The following ATP8A2 variants were observed in gnomAD, a reference collection of about 807,000 sequenced individuals.
The protein encoded by ATP8A2 is ATPase phospholipid transporting 8A2.
In ATP8A2, 100 loss-of-function variants were observed where a neutral mutation model predicts 165.6. That is an observed-to-expected ratio of 0.60 (90% confidence interval 0.51 to 0.71). The LOEUF is 0.71. Among genes scored for constraint, ATP8A2 ranks in the 30% least tolerant of loss-of-function variants. The probability of loss-of-function intolerance (pLI) is 0.00; values close to 1 mark genes in which losing one functional copy is unlikely to be tolerated. For missense variants in ATP8A2, 1,227 were observed against 1,479.5 expected (o/e 0.83, Z 2.80); for synonymous variants, 543 against 548.8 (o/e 0.99, Z 0.15).
At chr13:25,407,308 T>C (rs1650729799) in intron 1 of ATP8A2, among the ~76,000 whole-genome samples, 1 of 152,180 alleles carries the variant, frequency 6.6e-6, no homozygotes, top group Non-Finnish European at 1.5e-5. Context: ...ACCCAGAATC[T>C]TGAGGAAGAA....
chr13:25,383,434 G>A (rs948756424), intron 1 of ATP8A2, among the ~76,000 whole-genome samples: 6 of 152,130 alleles, frequency 3.9e-5, no homozygotes, highest in Admixed American at 1.3e-4. Flanking sequence ...CTAGTTTTGA[G>A]TTTGAAGAGT....
chr13:25,647,686 CT>C (rs200501725), intron 24 of ATP8A2, among the ~76,000 whole-genome samples: 6 of 147,114 alleles, frequency 4.1e-5, no homozygotes, highest in African/African-American at 5.0e-5. Flanking sequence ...TTCTTTTTTT[CT>C]TTTTTTTTTC....
chr13:25,722,173 A>G lies in ATP8A2; in HGVS notation c.2384+22828A>G, dbSNP rs549857190. On this transcript the variant is annotated intron_variant, in intron 25 of 36. Coordinates refer to ENST00000381655, the MANE Select transcript of ATP8A2 (RefSeq NM_016529.6). ...CTCGCTTATAGCCATCCTAGTGGGT[A>G]TGCAGTGGTATCTCAGTGTGGGAGC... 1.3e-4 allele frequency among the ~76,000 whole-genome samples: 20 copies of G among 152,328 alleles called. 1 individual carries two copies. The highest frequency in any genetic ancestry group is 1.9e-4 in the African/African-American group (8 of 41,578).
At chr13:25,553,183 GT>G (rs1238866138) in intron 11 of ATP8A2, among the ~76,000 whole-genome samples, 1 of 149,628 alleles carries the variant, frequency 6.7e-6, no homozygotes, top group African/African-American at 2.5e-5. Context: ...CCCAGACCTT[GT>G]CCCCCTCTCC....
At chr13:25,817,350 T>TGG (rs71741165) in intron 27 of ATP8A2, among the ~76,000 whole-genome samples, 64 of 105,614 alleles carry the variant, frequency 6.1e-4, no homozygotes, top group Admixed American at 8.2e-4. Flanking sequence ...TGGTCTTTTA[T>TGG]GGGGGGGGGG....
intron 24 of ATP8A2, among the ~76,000 whole-genome samples, chr13:25,647,376 T>G (rs908300983): frequency 2.0e-5 from 3 of 152,194 alleles, no homozygotes; most frequent in Non-Finnish European, 4.4e-5. Flanking sequence ...GTAAAATATT[T>G]TTGGTTGGCA....
intron 35 of ATP8A2, among the ~76,000 whole-genome samples, chr13:26,011,778 G>A (rs961683909): frequency 2.6e-5 from 4 of 152,172 alleles, no homozygotes; most frequent in Admixed American, 6.5e-5. Flanking sequence ...TGCAAAAAAT[G>A]TTTAAAATTA....
chr13:25,560,070 C>G (rs2039096495), intron 15 of ATP8A2, among the ~76,000 whole-genome samples: 1 of 152,104 alleles, frequency 6.6e-6, no homozygotes, highest in Non-Finnish European at 1.5e-5. Context: ...TCAAGCTATC[C>G]TCCCGCTGTG....
At chr13:25,984,428 AC>A (rs1289728221) in intron 35 of ATP8A2, among the ~76,000 whole-genome samples, 1 of 149,914 alleles carries the variant, frequency 6.7e-6, no homozygotes. Context: ...ACGTGGTGAA[AC>A]CCCACCTCTA....
intron 25 of ATP8A2, among the ~76,000 whole-genome samples, chr13:25,754,563 A>G (rs2044221013): frequency 1.3e-5 from 2 of 152,184 alleles, no homozygotes; most frequent in South Asian, 2.1e-4. Flanking sequence ...TTAGAAGTTT[A>G]TAGCACAAAT....
At chr13:25,862,852 T>C (rs2138768628) in intron 33 of ATP8A2, among the ~76,000 whole-genome samples, 1 of 152,342 alleles carries the variant, frequency 6.6e-6, no homozygotes, top group African/African-American at 2.4e-5. Context: ...AACAGCTCTA[T>C]GAACCAGATC....
chr13:25,902,286 A>G (rs1953777609), intron 33 of ATP8A2, among the ~76,000 whole-genome samples: 2 of 152,104 alleles, frequency 1.3e-5, no homozygotes, highest in Admixed American at 1.3e-4. Context: ...GTGTTTTTTA[A>G]CTCTTACAGT....
chr13:25,464,259 CT>C (rs1195925122), intron 1 of ATP8A2, among the ~76,000 whole-genome samples: 1 of 152,022 alleles, frequency 6.6e-6, no homozygotes, highest in Non-Finnish European at 1.5e-5. Flanking sequence ...ACCCTTTTTG[CT>C]TTTCCATCTT....
intron 2 of ATP8A2, among the ~76,000 whole-genome samples, chr13:25,523,272 CTT>C (rs71077476): frequency 2.8e-4 from 38 of 135,692 alleles, no homozygotes; most frequent in East Asian, 4.3e-4. Context: ...TTTAGGATAA[CTT>C]TTTTTTTTTT....
chr13:25,652,152 AG>A (rs1442700332), intron 24 of ATP8A2, among the ~76,000 whole-genome samples: 1 of 152,138 alleles, frequency 6.6e-6, no homozygotes, highest in Non-Finnish European at 1.5e-5. Flanking sequence ...CACTAAATGT[AG>A]GGGTGGGATG....
At chr13:25,690,405 A>G (rs969995777) in intron 24 of ATP8A2, among the ~76,000 whole-genome samples, 4 of 151,948 alleles carry the variant, frequency 2.6e-5, no homozygotes, top group Middle Eastern at 3.4e-3. Flanking sequence ...TTTTTTTGAA[A>G]GGAAGAAACT....
rs150559297 is a variant in ATP8A2 at position 25,507,393 on chromosome 13, G to C, written c.222-22606G>C. ...CAATTCTCCTGCTCCAGCCTCCTGG[G>C]TAGCTGGGATTACAGGCATGTGCCA... On this transcript the variant is annotated intron_variant, in intron 2 of 36. Coordinates refer to ENST00000381655, the MANE Select transcript of ATP8A2 (RefSeq NM_016529.6). 5.7e-3 allele frequency among the ~76,000 whole-genome samples: 869 copies of C among 152,094 alleles called. 8 individuals carry two copies. Among genetic ancestry groups the C allele is most frequent in the Non-Finnish European group, 7.8e-3 (527 of 67,974 alleles).
chr13:25,649,381 G>A (rs2041757143), intron 24 of ATP8A2, among the ~76,000 whole-genome samples: 1 of 152,140 alleles, frequency 6.6e-6, no homozygotes, highest in African/African-American at 2.4e-5. Flanking sequence ...TGCTCAAGTG[G>A]TACCACTATT....
intron 10 of ATP8A2, among the ~76,000 whole-genome samples, chr13:25,548,062 T>C (rs1445703989): frequency 2.6e-5 from 4 of 151,978 alleles, no homozygotes; most frequent in African/African-American, 9.7e-5. Context: ...CTGTCTCTAC[T>C]AAAAATACAA....
Sources: allele counts gnomAD v4.1 joint callset (sites outside exome capture counted in the v4.1 genomes callset), GRCh38; gene constraint gnomAD v4.1.1; transcripts MANE v1.5; gene names NCBI Gene and HGNC (gene_info 2026-07-23, HGNC 2026-07-21).